TIAL1: variants seen among roughly 807,000 people sequenced by gnomAD.
The protein encoded by TIAL1 is nucleolysin TIAR.
Under a neutral mutation model 59.7 loss-of-function variants are expected in TIAL1, and 7 were observed. The ratio of observed to expected loss-of-function variants is 0.12; its 90% CI spans 0.07 to 0.22. The LOEUF (loss-of-function observed/expected upper bound fraction) is 0.22. Ranked by LOEUF, TIAL1 falls within the 10% of genes least tolerant of loss-of-function variation. TIAL1 has a pLI of 1.00. For synonymous variants in TIAL1, 149 were observed against 146.3 expected (o/e 1.02, Z -0.13); for missense variants, 225 against 462.5 (o/e 0.49, Z 4.71).
Position 119,588,295 on chromosome 10 carries a change from G to C in TIAL1, c.33-47C>G, listed in dbSNP as rs375788965. The stretch of plus-strand genomic sequence containing the variant: ...TATCAGCAATTTTTCCTTTAGCTCT[G>C]GCTCTAATGTGTTATCATCTAATTC... On this transcript the variant is annotated intron_variant, in intron 1 of 11. Transcript: ENST00000436547. 336 of 1,136,908 alleles carry C rather than the reference G, an allele frequency of 3.0e-4. 1 individual carries two copies. The highest frequency in any genetic ancestry group is 3.0e-4 in the Non-Finnish European group (239 of 791,242). 70.4% of individuals were successfully genotyped at this position (1,136,908 alleles called of 1,614,324 possible).
intron 6 of TIAL1, chr10:119,579,038 T>C (rs1845172742): frequency 3.5e-6 from 2 of 575,640 alleles, no homozygotes; most frequent in Non-Finnish European, 6.2e-6. Flanking sequence ...CAGAATACTC[T>C]GGCCCTTTAT....
rs1477484315 is a variant in TIAL1, at chr10:119,582,391, A to G, written c.228+68T>C. On this transcript the variant is annotated intron_variant, in intron 3 of 11. Transcript: ENST00000436547. This position sits in a 1 kb window ranked among gnomAD's most constrained non-coding sequence, Gnocchi z 5.1. ...AATATCTGCTCAAAAATTTGCCTAG[A>G]AAGAATACAAACTAGTTTGACATGC... 5 of 1,522,594 alleles carry G rather than the reference A, an allele frequency of 3.3e-6. No individual in the cohort carries two copies. In the East Asian group the frequency reaches 6.9e-5, roughly 21 times the overall value. 94.3% of individuals were successfully genotyped at this position (1,522,594 alleles called of 1,614,324 possible).
At chr10:119,578,525 G>A (rs886529977) in intron 7 of TIAL1, among the ~76,000 whole-genome samples, 8 of 152,030 alleles carry the variant, frequency 5.3e-5, no homozygotes, top group African/African-American at 1.9e-4. Context: ...CAGTTACTCA[G>A]GAGGCTGAGG....
intron 1 of TIAL1, 96 bp downstream of exon 1, chr10:119,596,338 G>T: frequency 7.1e-7 from 1 of 1,410,570 alleles, no homozygotes; most frequent in Non-Finnish European, 9.9e-7. Flanking sequence ...GCCGCCTAGA[G>T]TCCCGGCTTC....
chr10:119,575,818 G>GATTGAT, intron 11 of TIAL1, 27 bp from the exon 12 acceptor site: 1 of 1,484,670 alleles, frequency 6.7e-7, no homozygotes. Context: ...AAAATCTTCA[G>GATTGAT]CAAACACAAG....
rs1478827810 is a variant in TIAL1, at chr10:119,582,133, A to G, written c.283+36T>C. 1.9e-6 allele frequency: 3 copies of G among 1,602,356 alleles called. No individual in the cohort carries two copies. The highest frequency in any genetic ancestry group is 1.7e-5 in the Admixed American group (1 of 57,198). ...GGTAATGCCTCCTGGATAATTTCAG[A>G]ACTCTTCCACAGTAAAATGCAGCAG... is the stretch of plus-strand genomic sequence containing the variant. On this transcript the variant is annotated intron_variant, in intron 4 of 11. Transcript: ENST00000436547. The surrounding 1 kb of genome is among the most constrained non-coding windows in gnomAD (Gnocchi z 5.1).
chr10:119,578,620 G>T, intron 7 of TIAL1, 106 bp downstream of exon 7: 2 of 1,018,192 alleles, frequency 2.0e-6, no homozygotes, highest in South Asian at 1.4e-5. Context: ...AACAGAGCAA[G>T]ACCCTGTCTC....
In TIAL1 at chr10:119,596,903, G is replaced by C; in HGVS notation, c.-438C>G. 1 of 184,354 alleles carries C rather than the reference G, an allele frequency of 5.4e-6. No individual in the cohort carries two copies. The highest frequency in any genetic ancestry group is 9.1e-5 in the South Asian group (1 of 10,986). The allele number at this position is 184,354 out of a possible 1,614,324, so 11.4% of individuals were successfully genotyped here. A position where few individuals can be genotyped will look rare whatever the true frequency, so the allele number is the denominator to read the frequency against. On this transcript the variant is annotated 5_prime_UTR_variant, in exon 1 of 12. Transcript: ENST00000436547. ...GGAGAGATCGGGCAAAAAGAGAAAC[G>C]TCGTGAAGCCGAAGTCTCTGGGAAT... is the stretch of plus-strand genomic sequence containing the variant.
Position 119,582,426 on chromosome 10 carries a change from T to TA in TIAL1, c.228+32dup. 2 of 1,559,560 alleles carry TA rather than the reference T, an allele frequency of 1.3e-6. No individual in the cohort carries two copies. Among genetic ancestry groups the TA allele is most frequent in the Non-Finnish European group, 1.7e-6 (2 of 1,159,910 alleles). ...AACTAGTTTGACATGCAAATATATGTACTCATAAGGTGCCATCATCCTATT... is the reference window on the plus strand; with the variant it reads ...AACTAGTTTGACATGCAAATATATGTAACTCATAAGGTGCCATCATCCTATT... On this transcript the variant is annotated intron_variant, in intron 3 of 11. Coordinates refer to ENST00000436547, the MANE Select transcript of TIAL1 (RefSeq NM_003252.4). The surrounding 1 kb of genome is among the most constrained non-coding windows in gnomAD (Gnocchi z 5.1).
chr10:119,582,450 T>G lies in TIAL1; in HGVS notation c.228+9A>C, dbSNP rs755210193. The G allele has an allele frequency of 6.3e-7, 1 of 1,588,330 alleles. No individual in the cohort carries two copies. The highest frequency in any genetic ancestry group is 8.5e-7 in the Non-Finnish European group (1 of 1,171,294). ...GTACTCATAAGGTGCCATCATCCTA[T>G]TATCTTACCTTTCCCAAAATTTTTC... On this transcript the variant is annotated intron_variant, in intron 3 of 11. Transcript: ENST00000436547. The surrounding 1 kb of genome is among the most constrained non-coding windows in gnomAD (Gnocchi z 5.1).
intron 1 of TIAL1, 96 bp downstream of exon 1, chr10:119,596,338 G>A (rs897269040): frequency 1.4e-6 from 2 of 1,410,454 alleles, no homozygotes; most frequent in African/African-American, 2.8e-5. Context: ...GCCGCCTAGA[G>A]TCCCGGCTTC....
rs779832836 is a variant in TIAL1 at position 119,596,510 on chromosome 10, TTGGGGAGGGGAGGGGG to T, written c.-61_-46del. The T allele has an allele frequency of 4.5e-5, 7 of 155,380 alleles. No individual in the cohort carries two copies. Among genetic ancestry groups the T allele is most frequent in the Non-Finnish European group, 8.4e-5 (6 of 71,048 alleles). 9.6% of individuals were successfully genotyped at this position (155,380 alleles called of 1,614,324 possible). A position where few individuals can be genotyped will look rare whatever the true frequency, so the allele number is the denominator to read the frequency against. On this transcript the variant is annotated 5_prime_UTR_variant, in exon 1 of 12. Coordinates refer to ENST00000436547, the MANE Select transcript of TIAL1 (RefSeq NM_003252.4). Reference sequence around the variant, plus strand: ...TCCCGGGACAAGGGGGAGGGCAGGGTTGGGGAGGGGAGGGGGTGGGGAGGAAGGGGAGGGGGGCTCT... The same window carrying T: ...TCCCGGGACAAGGGGGAGGGCAGGGTTGGGGAGGAAGGGGAGGGGGGCTCT...
rs1478333724 is a variant in TIAL1 at position 119,573,960 on chromosome 10, A to C, written c.*1705T>G. On this transcript the variant is annotated 3_prime_UTR_variant, in exon 12 of 12. Transcript: ENST00000436547. The stretch of plus-strand genomic sequence containing the variant: ...AATTATTGTGACCACCAATTTATAA[A>C]ATCATTATTTTAAAGCTAATCGTAA... The C allele has an allele frequency of 6.6e-6, 1 of 152,520 alleles. No individual in the cohort carries two copies. The highest frequency in any genetic ancestry group is 1.5e-5 in the Non-Finnish European group (1 of 68,040). The allele number at this position is 152,520 out of a possible 1,614,324, so 9.4% of individuals were successfully genotyped here.
At chr10:119,589,372 A>G (rs904728329) in intron 1 of TIAL1, among the ~76,000 whole-genome samples, 7 of 152,076 alleles carry the variant, frequency 4.6e-5, no homozygotes, top group Admixed American at 2.0e-4. Flanking sequence ...CGCCCGGCTA[A>G]TTTTTGTATT....
At chr10:119,590,663 T>A (rs1845804282) in intron 1 of TIAL1, among the ~76,000 whole-genome samples, 3 of 151,460 alleles carry the variant, frequency 2.0e-5, no homozygotes. Flanking sequence ...TGAGCCGAGA[T>A]TGCACCATTG....
intron 1 of TIAL1, chr10:119,593,426 T>C: frequency 1.1e-6 from 1 of 943,578 alleles, no homozygotes; most frequent in Non-Finnish European, 1.3e-6. Context: ...AGTAATACTG[T>C]AGGTAATGAA....
intron 6 of TIAL1, 37 bp from the exon 7 acceptor site, chr10:119,578,871 G>T: frequency 6.6e-7 from 1 of 1,518,178 alleles, no homozygotes. Context: ...ACAAAGAAAA[G>T]AGTGATAAAT....
At chr10:119,589,644 G>A (rs1192956132) in intron 1 of TIAL1, among the ~76,000 whole-genome samples, 12 of 151,988 alleles carry the variant, frequency 7.9e-5, no homozygotes, top group Admixed American at 7.9e-4. Flanking sequence ...AATTACAATT[G>A]AATGTGTTTT....
rs1007910929 is a variant in TIAL1, at chr10:119,573,981, C to T, written c.*1684G>A. 6.6e-6 allele frequency: 1 copy of T among 152,542 alleles called. No individual in the cohort carries two copies. Among genetic ancestry groups the T allele is most frequent in the African/African-American group, 2.4e-5 (1 of 41,442 alleles). The allele number at this position is 152,542 out of a possible 1,614,324, so 9.4% of individuals were successfully genotyped here. ...ATAAAATCATTATTTTAAAGCTAAT[C>T]GTAAAACTTCAAATGTTTAGAAAAC... On this transcript the variant is annotated 3_prime_UTR_variant, in exon 12 of 12. Coordinates refer to ENST00000436547, the MANE Select transcript of TIAL1 (RefSeq NM_003252.4).
Sources: gnomAD v4.1 joint callset for allele counts (sites outside exome capture counted in the v4.1 genomes callset) on GRCh38, gnomAD v4.1.1 for gene constraint, Gnocchi (gnomAD v3.1) non-coding constraint, MANE v1.5 for transcripts, NCBI Gene and HGNC (gene_info 2026-07-23, HGNC 2026-07-21) for gene names.